LEMD3: variants seen among roughly 807,000 people sequenced by gnomAD.
The protein encoded by LEMD3 is LEM domain containing 3, also known as inner nuclear membrane protein Man1.
In LEMD3, 33 loss-of-function variants were observed where a neutral mutation model predicts 95.2. The observed-to-expected ratio is 0.35, with a 90% CI of 0.26 to 0.46. The LOEUF is 0.46. Ranked by LOEUF, LEMD3 falls within the 20% of genes least tolerant of loss-of-function variation. The pLI, the probability that LEMD3 is intolerant of heterozygous loss-of-function variation, is 1.00. For missense variants in LEMD3, 1,210 were observed against 1,192.8 expected (o/e 1.01, Z -0.21); for synonymous variants, 525 against 474.6 (o/e 1.11, Z -1.38).
intron 1 of LEMD3, among the ~76,000 whole-genome samples, chr12:65,198,457 C>T (rs531688183): frequency 2.8e-4 from 42 of 151,972 alleles, no homozygotes; most frequent in African/African-American, 9.7e-4. Flanking sequence ...AGGAAGAGAT[C>T]TGTTGAAACT....
chr12:65,245,738 C>T lies in LEMD3; in HGVS notation c.2457C>T (p.Gly819=). 1 of 1,613,630 alleles carries T rather than the reference C, an allele frequency of 6.2e-7. No individual in the cohort carries two copies. Among genetic ancestry groups the T allele is most frequent in the Non-Finnish European group, 8.5e-7 (1 of 1,179,690 alleles). The change falls in exon 11 of 13, where the codon GGC becomes GGT. Residue 819 remains glycine, a synonymous_variant. Coordinates refer to ENST00000308330, the MANE Select transcript of LEMD3 (RefSeq NM_014319.5). ...AILEKCSDND[G]IVHIAVDKNS... ...TAGAAAAATGCAGTGATAATGATGG[C>T]ATTGTTCACATTGCAGTAGACAAAA...
At position 65,210,906 on chromosome 12, in the gene LEMD3, T is replaced by C; in HGVS notation, c.1523-20T>C. On this transcript the variant is annotated intron_variant, in intron 1 of 12. Transcript: ENST00000308330. ...TTCGTAAGTGATGCTAATACTTGTC[T>C]TTTTTTCCTTCCTTGATAGTAGAAA... The C allele has an allele frequency of 1.3e-6, 2 of 1,571,026 alleles. No individual in the cohort carries two copies. The highest frequency in any genetic ancestry group is 8.8e-7 in the Non-Finnish European group (1 of 1,140,444).
intron 10 of LEMD3, chr12:65,245,297 A>ATTTTTTT (rs531377376): frequency 5.9e-6 from 1 of 169,056 alleles, no homozygotes. Context: ...CGCCTGGCTA[A>ATTTTTTT]TTTTTTTTTT....
intron 1 of LEMD3, among the ~76,000 whole-genome samples, chr12:65,201,511 A>G (rs774597831): frequency 5.3e-5 from 8 of 152,010 alleles, no homozygotes; most frequent in South Asian, 4.1e-4. Flanking sequence ...GATTTTGTAC[A>G]TGTTTTGTTA....
chr12:65,230,946 G>A (rs1479470585), intron 4 of LEMD3, among the ~76,000 whole-genome samples: 1 of 152,134 alleles, frequency 6.6e-6, no homozygotes, highest in Non-Finnish European at 1.5e-5. Context: ...GAGTTATCAT[G>A]AAGAGATGTT....
rs774273011 is a variant in LEMD3 at position 65,218,555 on chromosome 12, A to C, written c.1631A>C (p.Asp544Ala). Residue 544 changes from aspartate to alanine, a missense_variant, in exon 4 of 13, where the codon GAT (aspartate) becomes GCT (alanine). By Grantham distance (126) the Asp-to-Ala change is moderately radical. This residue lies in a region of LEMD3 where 461 missense variants were observed against 569.8 expected (regional missense o/e 0.81). Transcript: ENST00000308330. ...LHDRLAQLAG[D>A]HECGSSSQRT... ...AATAATATGCTAATCTTTCCAGGAG[A>C]TCATGAATGTGGCAGTTCTAGTCAA... 6.4e-5 allele frequency: 102 copies of C among 1,599,452 alleles called. No individual in the cohort carries two copies. The highest frequency in any genetic ancestry group is 1.0e-4 in the Admixed American group (6 of 59,896).
chr12:65,244,307 C>G (rs1325035724), intron 10 of LEMD3, among the ~76,000 whole-genome samples: 1 of 147,404 alleles, frequency 6.8e-6, no homozygotes, highest in Non-Finnish European at 1.5e-5. Flanking sequence ...CACACAGAGA[C>G]AAACACCGCC....
intron 1 of LEMD3, among the ~76,000 whole-genome samples, chr12:65,191,879 C>T (rs921205415): frequency 7.0e-5 from 9 of 129,374 alleles, no homozygotes; most frequent in Admixed American, 9.7e-5. Context: ...GAACCGAAAT[C>T]GCACCATTGC....
At chr12:65,183,296 A>G (rs1335114153) in intron 1 of LEMD3, among the ~76,000 whole-genome samples, 2 of 152,144 alleles carry the variant, frequency 1.3e-5, no homozygotes, top group African/African-American at 2.4e-5. Flanking sequence ...TTAGAATCCG[A>G]TATGTATTTT....
chr12:65,220,837 A>G (rs1592452676), intron 4 of LEMD3, among the ~76,000 whole-genome samples: 1 of 152,288 alleles, frequency 6.6e-6, no homozygotes, highest in East Asian at 1.9e-4. Flanking sequence ...TCATTTCTCC[A>G]TTGTGTAGTC....
At chr12:65,216,253 T>A (rs1425918142) in intron 3 of LEMD3, among the ~76,000 whole-genome samples, 8 of 151,230 alleles carry the variant, frequency 5.3e-5, no homozygotes, top group Non-Finnish European at 1.2e-4. Context: ...TTAGAGGTAA[T>A]ATATATATAT....
chr12:65,189,047 A>G (rs1490865151), intron 1 of LEMD3, among the ~76,000 whole-genome samples: 2 of 152,176 alleles, frequency 1.3e-5, no homozygotes, highest in African/African-American at 4.8e-5. Flanking sequence ...TTCCTGTAAT[A>G]CATACTTATG....
intron 2 of LEMD3, among the ~76,000 whole-genome samples, chr12:65,211,758 CCTTAA>C (rs1869945683): frequency 6.6e-6 from 1 of 152,040 alleles, no homozygotes; most frequent in Non-Finnish European, 1.5e-5. Flanking sequence ...TTTTCAGTTG[CCTTAA>C]GTATAACACT....
intron 3 of LEMD3, 36 bp from the exon 4 acceptor site, chr12:65,218,516 A>T (rs774897907): frequency 7.4e-5 from 97 of 1,305,678 alleles, no homozygotes; most frequent in Non-Finnish European, 5.2e-5. Flanking sequence ...TTAAGAGAGT[A>T]CTGATTCAAA....
At chr12:65,216,647 TATA>T (rs911542360) in intron 3 of LEMD3, among the ~76,000 whole-genome samples, 4 of 151,860 alleles carry the variant, frequency 2.6e-5, no homozygotes, top group Admixed American at 2.6e-4. Flanking sequence ...TTTTTAAACA[TATA>T]ATCTGAAAGA....
chr12:65,246,170 G>A lies in LEMD3; in HGVS notation c.2581G>A (p.Val861Ile). The change falls in exon 13 of 13, where the codon GTT becomes ATT. Residue 861 changes from valine to isoleucine, a missense_variant. Physicochemically the swap from Val to Ile is conservative, Grantham distance 29. Coordinates refer to ENST00000308330, the MANE Select transcript of LEMD3 (RefSeq NM_014319.5). Reference protein sequence around the residue: ...LHGSWFDGKLVTVKYLRLDRY... With the variant: ...LHGSWFDGKLITVKYLRLDRY... ...TTTTTATCTTACAACAGGGAAATTG[G>A]TTACAGTAAAATATTTACGACTAGA... 2.5e-6 allele frequency: 4 copies of A among 1,608,484 alleles called. No homozygotes were observed. The highest frequency in any genetic ancestry group is 3.4e-6 in the Non-Finnish European group (4 of 1,176,044).
At chr12:65,216,412 G>T (rs1347306875) in intron 3 of LEMD3, among the ~76,000 whole-genome samples, 1 of 151,986 alleles carries the variant, frequency 6.6e-6, no homozygotes, top group African/African-American at 2.4e-5. Flanking sequence ...TTTGTTGGTT[G>T]TATAGGTATC....
chr12:65,241,187 C>T (rs746111987), intron 9 of LEMD3, 100 bp downstream of exon 9: 11 of 992,146 alleles, frequency 1.1e-5, no homozygotes, highest in Non-Finnish European at 1.7e-5. Flanking sequence ...TGTATGAAGG[C>T]AAAACTCTCT....
chr12:65,199,561 T>C (rs1869531510), intron 1 of LEMD3, among the ~76,000 whole-genome samples: 1 of 152,126 alleles, frequency 6.6e-6, no homozygotes, highest in Non-Finnish European at 1.5e-5. Flanking sequence ...ATGTAAATTA[T>C]ATGAATTTCT....
Sources: gnomAD v4.1 joint callset for allele counts (sites outside exome capture counted in the v4.1 genomes callset) on GRCh38, gnomAD v4.1.1 for gene constraint, gnomAD v4.1.1 regional missense constraint, MANE v1.5 for transcripts, NCBI Gene and HGNC (gene_info 2026-07-23, HGNC 2026-07-21) for gene names.